ADK: variants seen among roughly 807,000 people sequenced by gnomAD.
The protein encoded by ADK is adenosine kinase, also known as N6,N6-dimethyladenosine kinase.
ADK carries 24 observed loss-of-function variants against 44.7 expected under a neutral mutation model. The ratio of observed to expected loss-of-function variants is 0.54; its 90% confidence interval spans 0.39 to 0.76. The LOEUF is 0.76. Among genes scored for constraint, ADK ranks in the 30% least tolerant of loss-of-function variants. The pLI is 0.00. For missense variants in ADK, 321 were observed against 425.1 expected, an observed-to-expected ratio of 0.76 and a Z score of 2.15; for synonymous variants, 128 against 142.6, an observed-to-expected ratio of 0.90 and a Z score of 0.73.
chr10:74,664,673 T>C (rs894790451), intron 9 of ADK, among the ~76,000 whole-genome samples: 5 of 151,946 alleles, frequency 3.3e-5, no homozygotes, highest in Non-Finnish European at 7.4e-5. Context: ...TGAAACTCCG[T>C]CTCTACTAAA....
chr10:74,185,842 G>GAA (rs71021593), intron 1 of ADK, among the ~76,000 whole-genome samples: 22 of 65,804 alleles, frequency 3.3e-4, no homozygotes, highest in South Asian at 1.7e-3. Context: ...GTCTCAAAAA[G>GAA]AAAAAAAAAA....
chr10:74,333,589 G>A (rs1841300671), intron 4 of ADK, among the ~76,000 whole-genome samples: 1 of 152,096 alleles, frequency 6.6e-6, no homozygotes, highest in Non-Finnish European at 1.5e-5. Context: ...GGAGTATGAA[G>A]GGATGCCTGC....
chr10:74,195,972 C>T (rs1591836248), intron 1 of ADK, among the ~76,000 whole-genome samples: 1 of 151,806 alleles, frequency 6.6e-6, no homozygotes, highest in South Asian at 2.1e-4. Flanking sequence ...CCACTGTGCC[C>T]AGCCAATTTT....
chr10:74,597,156 GAAAT>G (rs1246167389), intron 8 of ADK, among the ~76,000 whole-genome samples: 1 of 152,122 alleles, frequency 6.6e-6, no homozygotes. Context: ...GTAATTAGAG[GAAAT>G]AAATTAATAT....
intron 9 of ADK, among the ~76,000 whole-genome samples, chr10:74,637,367 A>C (rs1172786520): frequency 2.0e-5 from 3 of 152,226 alleles, no homozygotes; most frequent in Admixed American, 6.5e-5. Context: ...ACTCAGAAGA[A>C]AAGAAAAATC....
intron 1 of ADK, among the ~76,000 whole-genome samples, chr10:74,162,521 T>TTTTGTG (rs1354380503): frequency 7.0e-6 from 1 of 141,882 alleles, no homozygotes; most frequent in African/African-American, 2.6e-5. Flanking sequence ...TGCATTTCTT[T>TTTTGTG]TGTGTGTGTG....
chr10:74,183,232 A>G (rs1226861320), intron 1 of ADK, among the ~76,000 whole-genome samples: 1 of 152,186 alleles, frequency 6.6e-6, no homozygotes, highest in African/African-American at 2.4e-5. Context: ...GATTACAGGC[A>G]TGAGCCGCTG....
At chr10:74,681,545 A>G (rs1456807395) in intron 10 of ADK, among the ~76,000 whole-genome samples, 1 of 152,164 alleles carries the variant, frequency 6.6e-6, no homozygotes, top group African/African-American at 2.4e-5. Flanking sequence ...TCATAATCCA[A>G]ATGAAAGTTG....
At chr10:74,492,931 G>A (rs1392635235) in intron 6 of ADK, among the ~76,000 whole-genome samples, 1 of 152,046 alleles carries the variant, frequency 6.6e-6, no homozygotes, top group Admixed American at 6.6e-5. Flanking sequence ...AAGATACTCT[G>A]AGAGTACCTA....
intron 4 of ADK, among the ~76,000 whole-genome samples, chr10:74,335,095 T>C (rs1425407791): frequency 6.6e-6 from 1 of 152,200 alleles, no homozygotes; most frequent in Admixed American, 6.5e-5. Context: ...GGGTTCCCTT[T>C]GGCAATGATG....
chr10:74,479,826 A>G (rs1339394836), intron 6 of ADK, among the ~76,000 whole-genome samples: 1 of 151,908 alleles, frequency 6.6e-6, no homozygotes. Context: ...TTTATTCTGC[A>G]TTTTTCTCTC....
intron 4 of ADK, among the ~76,000 whole-genome samples, chr10:74,364,900 T>C (rs1005548525): frequency 2.0e-5 from 3 of 152,130 alleles, no homozygotes; most frequent in Non-Finnish European, 2.9e-5. Context: ...ACTTTCTTTC[T>C]CCCTTTCTCC....
At chr10:74,609,223 A>G (rs1423730804) in intron 9 of ADK, among the ~76,000 whole-genome samples, 1 of 152,070 alleles carries the variant, frequency 6.6e-6, no homozygotes, top group Admixed American at 6.6e-5. Flanking sequence ...CCCTGGCTTT[A>G]TCCCCCTTTC....
chr10:74,201,414 T>G lies in ADK; in HGVS notation c.140+576T>G, dbSNP rs144985267. On this transcript the variant is annotated intron_variant, in intron 2 of 10. Transcript: ENST00000539909. ...CCCCACTTGTGTCCTTGTTTTCAGT[T>G]TCTGAGGTCTCAGTTACCCATAGGA... 3.3e-3 allele frequency among the ~76,000 whole-genome samples: 508 copies of G among 152,308 alleles called. 2 individuals carry two copies. Among genetic ancestry groups the G allele is most frequent in the African/African-American group, 0.012 (479 of 41,556 alleles).
At chr10:74,439,726 A>G (rs564952468) in intron 6 of ADK, among the ~76,000 whole-genome samples, 1 of 152,262 alleles carries the variant, frequency 6.6e-6, no homozygotes, top group East Asian at 1.9e-4. Context: ...TAAATCAAGC[A>G]AACATTCTAG....
chr10:74,277,149 C>T (rs1846719702), intron 3 of ADK, among the ~76,000 whole-genome samples: 1 of 152,068 alleles, frequency 6.6e-6, no homozygotes, highest in South Asian at 2.1e-4. Context: ...AACTCTTGAC[C>T]TCGGGTGATC....
intron 3 of ADK, among the ~76,000 whole-genome samples, chr10:74,261,987 A>G (rs1846054933): frequency 6.6e-6 from 1 of 151,966 alleles, no homozygotes. Context: ...CCAGTTTTCT[A>G]TTAATAGACA....
intron 6 of ADK, among the ~76,000 whole-genome samples, chr10:74,415,900 A>C (rs571576330): frequency 6.6e-6 from 1 of 151,770 alleles, no homozygotes; most frequent in Admixed American, 6.6e-5. Context: ...AATGGAAGAC[A>C]TAATAAGTCT....
At chr10:74,293,717 A>C (rs1485898779) in intron 3 of ADK, among the ~76,000 whole-genome samples, 1 of 152,146 alleles carries the variant, frequency 6.6e-6, no homozygotes, top group Non-Finnish European at 1.5e-5. Flanking sequence ...TTTTGGATAA[A>C]TTTTTATATT....
Sources: gnomAD v4.1 joint callset for allele counts (sites outside exome capture counted in the v4.1 genomes callset) on GRCh38, gnomAD v4.1.1 for gene constraint, MANE v1.5 for transcripts, NCBI Gene and HGNC (gene_info 2026-07-23, HGNC 2026-07-21) for gene names.